Variants in ARHGAP22 observed in about 807,000 individuals in gnomAD.
The protein encoded by ARHGAP22 is rho GTPase-activating protein 22.
In ARHGAP22, 48 loss-of-function variants were observed where a neutral mutation model predicts 59.1. The observed-to-expected ratio is 0.81, with a 90% CI of 0.64 to 1.03. The LOEUF is 1.03. Ranked by LOEUF, ARHGAP22 falls within the 50% of genes least tolerant of loss-of-function variation. ARHGAP22 has a pLI of 0.00. For missense variants in ARHGAP22, 1,015 were observed against 958.7 expected (o/e 1.06, Z -0.78); for synonymous variants, 445 against 416.4 (o/e 1.07, Z -0.84).
In ARHGAP22 at chr10:48,547,177, C is replaced by T. The variant is rs544883470; in HGVS notation, c.322+8286G>A. Among the ~76,000 whole-genome samples the T allele has an allele frequency of 1.5e-3, 221 of 152,302 alleles. 1 individual carries two copies. The highest frequency in any genetic ancestry group is 5.1e-3 in the African/African-American group (211 of 41,566). On this transcript the variant is annotated intron_variant, in intron 3 of 9. Coordinates refer to ENST00000249601, the MANE Select transcript of ARHGAP22 (RefSeq NM_021226.4). ...CAGGCTTGCCTCCCCAGCTCTTCCT[C>T]GGAAGCTTCCTTTCTACATGCAGAC...
At chr10:48,541,200 T>C (rs1033302137) in intron 3 of ARHGAP22, among the ~76,000 whole-genome samples, 6 of 152,132 alleles carry the variant, frequency 3.9e-5, no homozygotes, top group Non-Finnish European at 7.4e-5. Flanking sequence ...GAGGAGGCTC[T>C]GTACTTGGGT....
intron 2 of ARHGAP22, among the ~76,000 whole-genome samples, chr10:48,574,231 C>A (rs77448282): frequency 0.015 from 1,937 of 130,078 alleles, 39 homozygotes; most frequent in African/African-American, 0.057. Context: ...ATTTATTTTT[C>A]TCATTTATTC....
At chr10:48,452,194 A>G (rs925104562) in intron 8 of ARHGAP22, among the ~76,000 whole-genome samples, 1 of 152,154 alleles carries the variant, frequency 6.6e-6, no homozygotes, top group Non-Finnish European at 1.5e-5. Flanking sequence ...CAGTGCAGGA[A>G]GGACCAGGGC....
intron 3 of ARHGAP22, among the ~76,000 whole-genome samples, chr10:48,526,635 A>T (rs2054349995): frequency 1.3e-5 from 2 of 152,280 alleles, no homozygotes; most frequent in South Asian, 4.1e-4. Context: ...CCCTCGGGTG[A>T]TTGTCCAACG....
At chr10:48,550,637 A>G (rs1043822837) in intron 3 of ARHGAP22, among the ~76,000 whole-genome samples, 1 of 152,256 alleles carries the variant, frequency 6.6e-6, no homozygotes, top group Non-Finnish European at 1.5e-5. Context: ...AAATAGGAAG[A>G]TGCTGGGAGA....
At chr10:48,614,816 A>G (rs531886223) in intron 1 of ARHGAP22, among the ~76,000 whole-genome samples, 1 of 152,330 alleles carries the variant, frequency 6.6e-6, no homozygotes, top group African/African-American at 2.4e-5. Context: ...AGGAAGCACA[A>G]TGGACTTCAT....
chr10:48,444,558 A>C (rs536007084), downstream of ARHGAP22: 1 of 152,356 alleles, frequency 6.6e-6, no homozygotes, highest in Admixed American at 6.5e-5. Context: ...GCAGGAGCCT[A>C]AGCCTTTGCC....
downstream of ARHGAP22, chr10:48,444,775 T>G (rs373095529): frequency 6.6e-6 from 1 of 152,380 alleles, no homozygotes; most frequent in Non-Finnish European, 1.5e-5. Context: ...GTTTCTCCTC[T>G]GAATATGGAT....
the ARHGAP22 span, chr10:48,435,945 C>T: frequency 6.6e-6 from 1 of 152,236 alleles, no homozygotes; most frequent in Non-Finnish European, 1.5e-5. Context: ...CAGCAATGTT[C>T]TAGAGTCTGG....
intron 2 of ARHGAP22, among the ~76,000 whole-genome samples, chr10:48,562,950 A>G (rs2057782552): frequency 6.6e-6 from 1 of 152,190 alleles, no homozygotes; most frequent in Admixed American, 6.5e-5. Flanking sequence ...AGAATTCTGC[A>G]ATGGGCCTTA....
intron 9 of ARHGAP22, 82 bp from the exon 10 acceptor site, chr10:48,446,701 T>C: frequency 2.1e-6 from 3 of 1,419,740 alleles, no homozygotes; most frequent in Non-Finnish European, 2.9e-6. Context: ...TTGTGCTCAC[T>C]GTGGGTTGAG....
intron 3 of ARHGAP22, among the ~76,000 whole-genome samples, chr10:48,517,144 T>G (rs1249642309): frequency 1.3e-5 from 2 of 152,174 alleles, no homozygotes; most frequent in Non-Finnish European, 2.9e-5. Flanking sequence ...GTGATGACAA[T>G]GTTCTAAAAT....
At chr10:48,500,988 C>G (rs1297743536) in intron 3 of ARHGAP22, among the ~76,000 whole-genome samples, 1 of 151,502 alleles carries the variant, frequency 6.6e-6, no homozygotes, top group Non-Finnish European at 1.5e-5. Flanking sequence ...TGGAGAAGGC[C>G]TAAGTATGAC....
chr10:48,534,928 C>T (rs1590009240), intron 3 of ARHGAP22, among the ~76,000 whole-genome samples: 1 of 152,204 alleles, frequency 6.6e-6, no homozygotes, highest in East Asian at 1.9e-4. Flanking sequence ...CAGTCCTGCA[C>T]ACCTTTTAAG....
intron 1 of ARHGAP22, among the ~76,000 whole-genome samples, chr10:48,630,787 C>T (rs975315412): frequency 2.6e-5 from 4 of 152,168 alleles, no homozygotes; most frequent in African/African-American, 9.7e-5. Context: ...TGGCTTCCTT[C>T]TCTTGTCTTA....
At chr10:48,620,173 T>C (rs901273558) in intron 1 of ARHGAP22, among the ~76,000 whole-genome samples, 1 of 152,174 alleles carries the variant, frequency 6.6e-6, no homozygotes, top group Non-Finnish European at 1.5e-5. Context: ...AATGAATCAA[T>C]ACAGTTCCTC....
chr10:48,577,833 G>A (rs1221769113), intron 2 of ARHGAP22, among the ~76,000 whole-genome samples: 3 of 50,758 alleles, frequency 5.9e-5, no homozygotes, highest in African/African-American at 2.1e-4. Context: ...TTTTTTTGGA[G>A]ACAGAGTCTC....
chr10:48,643,817 G>T (rs966138900), intron 1 of ARHGAP22, among the ~76,000 whole-genome samples: 1 of 151,212 alleles, frequency 6.6e-6, no homozygotes, highest in Admixed American at 6.6e-5. Flanking sequence ...AGCTGGAACT[G>T]GTCATGTTAA....
rs148840851 is a variant in ARHGAP22 at position 48,493,822 on chromosome 10, G to C, written c.323-14058C>G. On this transcript the variant is annotated intron_variant, in intron 3 of 9. Coordinates refer to ENST00000249601, the MANE Select transcript of ARHGAP22 (RefSeq NM_021226.4). The stretch of plus-strand genomic sequence containing the variant: ...TGTCCTGCTGTGTTCTTGACTCCCT[G>C]AGGTGGGGGGAGTGTCCATCCTATT... Among the ~76,000 whole-genome samples the C allele has an allele frequency of 1.0e-3, 159 of 152,316 alleles. 1 individual carries two copies. The highest frequency in any genetic ancestry group is 3.6e-3 in the African/African-American group (150 of 41,572).
Sources: gnomAD v4.1 joint callset for allele counts (sites outside exome capture counted in the v4.1 genomes callset) on GRCh38, gnomAD v4.1.1 for gene constraint, MANE v1.5 for transcripts, NCBI Gene and HGNC (gene_info 2026-07-23, HGNC 2026-07-21) for gene names.